Variants in ATP1A4 observed in about 807,000 individuals in gnomAD.
ATP1A4 encodes sodium/potassium-transporting ATPase subunit alpha-4.
Under a neutral mutation model 114.3 loss-of-function variants are expected in ATP1A4, and 90 were observed. The ratio of observed to expected loss-of-function variants is 0.79; its 90% CI spans 0.66 to 0.94. ATP1A4 has a LOEUF of 0.94. Among genes scored for constraint, ATP1A4 ranks in the 40% least tolerant of loss-of-function variants. ATP1A4 has a pLI of 0.00. For synonymous variants in ATP1A4, 511 were observed against 494.1 expected (o/e 1.03, Z -0.45); for missense variants, 1,222 against 1,313.6 (o/e 0.93, Z 1.08).
intron 18 of ATP1A4, among the ~76,000 whole-genome samples, chr1:160,180,171 C>T (rs926364640): frequency 1.3e-5 from 2 of 152,244 alleles, no homozygotes; most frequent in African/African-American, 2.4e-5. Context: ...GGGAGTGACG[C>T]GGGTAACGGC....
chr1:160,164,732 C>T (rs1652973767), intron 7 of ATP1A4, among the ~76,000 whole-genome samples: 1 of 152,192 alleles, frequency 6.6e-6, no homozygotes, highest in African/African-American at 2.4e-5. Flanking sequence ...ATTTATTCAT[C>T]AGTTTATGGA....
intron 20 of ATP1A4, among the ~76,000 whole-genome samples, chr1:160,184,587 T>C (rs927972690): frequency 6.6e-6 from 1 of 152,188 alleles, no homozygotes; most frequent in African/African-American, 2.4e-5. Context: ...ATAATGTTTA[T>C]ATTGATTACA....
At chr1:160,165,563 T>A (rs1652997072) in intron 7 of ATP1A4, among the ~76,000 whole-genome samples, 1 of 151,644 alleles carries the variant, frequency 6.6e-6, no homozygotes, top group Non-Finnish European at 1.5e-5. Flanking sequence ...ATCGAGACCG[T>A]TCTGGCTAAC....
rs1429903161 is a variant in ATP1A4, at chr1:160,159,142, G to A, written c.660+6G>A. ...TCTCTGCACAAGGATGTAAGGTGAG[G>A]GGATGCCGAAAGCTATGTGAGGGAC... is the stretch of plus-strand genomic sequence containing the variant. On this transcript the variant is annotated splice_donor_region_variant and intron_variant, in intron 5 of 21. Transcript: ENST00000368081. The A allele has an allele frequency of 5.6e-6, 9 of 1,613,008 alleles. No individual in the cohort carries two copies. Among genetic ancestry groups the A allele is most frequent in the Non-Finnish European group, 7.6e-6 (9 of 1,179,376 alleles).
intron 6 of ATP1A4, among the ~76,000 whole-genome samples, chr1:160,160,620 G>A (rs6702962): frequency 0.037 from 5,686 of 152,132 alleles, 352 homozygotes; most frequent in African/African-American, 0.13. Context: ...TATTTTACAT[G>A]TAGCAGACTA....
Position 160,166,693 on chromosome 1 carries a change from G to A in ATP1A4, c.1213G>A (p.Val405Met), listed in dbSNP as rs187960925. Residue 405 changes from valine (V) to methionine (M), a missense_variant, in exon 8 of 22, where the codon GTG (valine) becomes ATG (methionine). Transcript: ENST00000368081. ...CGCCCACATGTGGTTTGATATGACCGTGTATGAGGCCGACACCACTGAAGA... is the reference window on the plus strand; with the variant it reads ...CGCCCACATGTGGTTTGATATGACCATGTATGAGGCCGACACCACTGAAGA... ...TVAHMWFDMT[V>M]YEADTTEEQT... The A allele has an allele frequency of 2.3e-5, 37 of 1,614,208 alleles. No individual in the cohort carries two copies. The highest frequency in any genetic ancestry group is 6.7e-5 in the East Asian group (3 of 44,878).
intron 18 of ATP1A4, among the ~76,000 whole-genome samples, chr1:160,178,979 G>A (rs11265344): frequency 0.19 from 28,698 of 152,124 alleles, 3,219 homozygotes; most frequent in African/African-American, 0.32. Context: ...TCATCATTCT[G>A]TAGATGAGGA....
chr1:160,153,098 T>C, intron 1 of ATP1A4, 67 bp from the exon 2 acceptor site: 2 of 1,285,990 alleles, frequency 1.6e-6, no homozygotes, highest in Non-Finnish European at 2.3e-6. Context: ...CCAGTCTGTT[T>C]CTCCCCCTCT....
intron 10 of ATP1A4, among the ~76,000 whole-genome samples, chr1:160,168,621 T>G (rs993270100): frequency 2.6e-5 from 4 of 152,098 alleles, no homozygotes; most frequent in African/African-American, 7.2e-5. Context: ...TGACCTCAGG[T>G]GATCCACCCG....
Position 160,186,925 on chromosome 1 carries a change from T to C in ATP1A4, c.*226T>C. 1.7e-6 allele frequency: 1 copy of C among 593,358 alleles called. No homozygotes were observed. Among genetic ancestry groups the C allele is most frequent in the Non-Finnish European group, 3.0e-6 (1 of 331,026 alleles). The allele number at this position is 593,358 out of a possible 1,614,324, so 36.8% of individuals were successfully genotyped here. ...TGGAGCCCCGCAGGGAGGGGCATGG[T>C]CCTGCTGAATCCCGTAGCCAGTCTA... On this transcript the variant is annotated 3_prime_UTR_variant, in exon 22 of 22. Transcript: ENST00000368081.
At position 160,169,234 on chromosome 1, in the gene ATP1A4, G is replaced by T. The variant is rs929228939; in HGVS notation, c.1491+1822G>T. Among the ~76,000 whole-genome samples, 5 of 152,336 alleles carry T rather than the reference G, an allele frequency of 3.3e-5. No homozygotes were observed. In the South Asian group the frequency reaches 1.0e-3, roughly 32 times the overall value. On this transcript the variant is annotated intron_variant, in intron 10 of 21. Transcript: ENST00000368081. ...TTGCAAGAGACATCTCAGACTGCTG[G>T]CGGTTTGCAGAGCCTGGTCTGTCTC...
intron 6 of ATP1A4, among the ~76,000 whole-genome samples, chr1:160,160,851 A>G (rs1227821375): frequency 6.6e-6 from 1 of 152,216 alleles, no homozygotes; most frequent in African/African-American, 2.4e-5. Context: ...AATAAAATAC[A>G]TATATTAAAA....
At position 160,186,748 on chromosome 1, in the gene ATP1A4, G is replaced by C. The variant is rs759491639; in HGVS notation, c.*49G>C. On this transcript the variant is annotated 3_prime_UTR_variant, in exon 22 of 22. Transcript: ENST00000368081. ...GTGACACAGGGGTGTTGTGAGAGCT[G>C]GGATGGGGCCAGAGATTATAAGTTT... 12 of 1,576,616 alleles carry C rather than the reference G, an allele frequency of 7.6e-6. No homozygotes were observed. Among genetic ancestry groups the C allele is most frequent in the Non-Finnish European group, 1.0e-5 (12 of 1,152,918 alleles).
intron 12 of ATP1A4, among the ~76,000 whole-genome samples, chr1:160,172,270 G>T (rs1653292097): frequency 6.6e-6 from 1 of 152,214 alleles, no homozygotes; most frequent in Non-Finnish European, 1.5e-5. Context: ...AGTGCTAGAA[G>T]ATGTCGTGTA....
At position 160,159,424 on chromosome 1, in the gene ATP1A4, T is replaced by C. The variant is rs1185998414; in HGVS notation, c.676T>C (p.Leu226=). 4 of 1,613,068 alleles carry C rather than the reference T, an allele frequency of 2.5e-6. No individual in the cohort carries two copies. The African/African-American group carries it at 5.3e-5, about 22-fold the overall frequency. ...CCCATCCCAGGTGGACAACTCATCC[T>C]TGACTGGGGAGTCAGAACCCCAGAG... The part of the protein sequence containing the change: ...AQGCKVDNSS[L]TGESEPQSRS... Residue 226 remains leucine, a synonymous_variant, in exon 6 of 22, where the codon TTG becomes CTG. Transcript: ENST00000368081.
intron 6 of ATP1A4, among the ~76,000 whole-genome samples, chr1:160,163,212 T>C (rs865926240): frequency 5.3e-5 from 8 of 152,126 alleles, no homozygotes; most frequent in Admixed American, 2.6e-4. Flanking sequence ...ACAGAACACT[T>C]CTGTGTCCAA....
Position 160,167,004 on chromosome 1 carries a change from T to C in ATP1A4, c.1283T>C (p.Met428Thr). ...ACCAAGAGCTCTGATACCTGGTTTA[T>C]GCTGGCCCGAATCGCTGGCCTCTGC... ...TFTKSSDTWFMLARIAGLCNR... is the reference protein window; with the variant it reads ...TFTKSSDTWFTLARIAGLCNR... The change falls in exon 9 of 22, where the codon ATG becomes ACG. Residue 428 changes from methionine (M) to threonine (T), a missense_variant. By Grantham distance (81) the Met-to-Thr change is moderately conservative (BLOSUM62 -1). Transcript: ENST00000368081. 1 of 1,614,226 alleles carries C rather than the reference T, an allele frequency of 6.2e-7. No individual in the cohort carries two copies. The highest frequency in any genetic ancestry group is 2.2e-5 in the East Asian group (1 of 44,886).
chr1:160,152,985 C>T (rs924489186), intron 1 of ATP1A4, among the ~76,000 whole-genome samples, 180 bp from the exon 2 acceptor site: 46 of 152,058 alleles, frequency 3.0e-4, no homozygotes, highest in African/African-American at 1.0e-3. Context: ...GAGTCGAAAT[C>T]GCACCACTGT....
In ATP1A4 at chr1:160,174,743, G is replaced by C; in HGVS notation, c.2307G>C (p.Glu769Asp). The change falls in exon 15 of 22, where the codon GAG becomes GAC. Residue 769 changes from glutamate (E) to aspartate (D), a missense_variant. By Grantham distance (45) the Glu-to-Asp change is conservative. Transcript: ENST00000368081. ...DNFASIVTGVEEGRLIFDNLK... is the reference protein window; with the variant it reads ...DNFASIVTGVDEGRLIFDNLK... ...TTGCCTCCATCGTCACGGGGGTGGA[G>C]GAGGGTGAGGAGGCAGGGTGCCCAT... is the stretch of plus-strand genomic sequence containing the variant. The C allele has an allele frequency of 6.2e-7, 1 of 1,614,022 alleles. No individual in the cohort carries two copies. Among genetic ancestry groups the C allele is most frequent in the Non-Finnish European group, 8.5e-7 (1 of 1,180,030 alleles).
Sources: gnomAD v4.1 joint callset for allele counts (sites outside exome capture counted in the v4.1 genomes callset) on GRCh38, gnomAD v4.1.1 for gene constraint, MANE v1.5 for transcripts, NCBI Gene and HGNC (gene_info 2026-07-23, HGNC 2026-07-21) for gene names.